Variants in ABL1 observed in about 807,000 individuals in gnomAD.
ABL1 encodes the protein tyrosine-protein kinase ABL1.
ABL1 carries 11 observed loss-of-function variants against 94.7 expected under a neutral mutation model. The ratio of observed to expected loss-of-function variants is 0.12; its 90% CI spans 0.07 to 0.19. The LOEUF (loss-of-function observed/expected upper bound fraction) is 0.19, where lower values mean the gene tolerates loss of function less well. Ranked by LOEUF, ABL1 falls within the 10% of genes least tolerant of loss-of-function variation. The pLI is 1.00. For synonymous variants in ABL1, 656 were observed against 622.4 expected (o/e 1.05, Z -0.80); for missense variants, 1,082 against 1,489.4 (o/e 0.73, Z 4.50).
rs117980230 is a variant in ABL1, at chr9:130,867,372, G to A, written c.822+4337G>A. Among the ~76,000 whole-genome samples the A allele has an allele frequency of 1.3e-3, 204 of 152,310 alleles. 1 individual carries two copies. Among genetic ancestry groups the A allele is most frequent in the Non-Finnish European group, 1.9e-3 (131 of 68,028 alleles). On this transcript the variant is annotated intron_variant, in intron 4 of 10. Coordinates refer to ENST00000318560, the MANE Select transcript of ABL1 (RefSeq NM_005157.6). ...TGGATATATTTTAACATGTACCAGT[G>A]TTCAGTGGGCCTTTCTCTTATTTCC...
chr9:130,873,523 T>C (rs979579071), intron 6 of ABL1, among the ~76,000 whole-genome samples: 5 of 152,224 alleles, frequency 3.3e-5, no homozygotes, highest in African/African-American at 1.2e-4. Flanking sequence ...TTTTTCCTGC[T>C]TTCTCTTTAT....
intron 4 of ABL1, among the ~76,000 whole-genome samples, chr9:130,871,616 A>G (rs1008234425): frequency 2.6e-5 from 4 of 152,234 alleles, no homozygotes; most frequent in Non-Finnish European, 5.9e-5. Flanking sequence ...TTGCTACTGT[A>G]CTTTGAGACA....
intron 1 of ABL1, among the ~76,000 whole-genome samples, chr9:130,843,556 T>C (rs907720029): frequency 1.3e-5 from 2 of 152,058 alleles, no homozygotes; most frequent in African/African-American, 4.8e-5. Flanking sequence ...TGGGGACATG[T>C]GAACAGATTG....
chr9:130,741,393 C>T (rs1273321578), intron 1 of ABL1, among the ~76,000 whole-genome samples: 1 of 150,932 alleles, frequency 6.6e-6, no homozygotes, highest in African/African-American at 2.5e-5. Flanking sequence ...GTAACAGTTA[C>T]CACACTGATA....
chr9:130,850,670 C>A lies in ABL1; in HGVS notation c.80-3394C>A, dbSNP rs538919781. 3.9e-5 allele frequency among the ~76,000 whole-genome samples: 6 copies of A among 152,260 alleles called. No individual in the cohort carries two copies. In the South Asian group the frequency reaches 8.3e-4, roughly 21 times the overall value. On this transcript the variant is annotated intron_variant, in intron 1 of 10. Coordinates refer to ENST00000318560, the MANE Select transcript of ABL1 (RefSeq NM_005157.6). ...TACAGGTGTGCACCACCACGCCCAA[C>A]TAATTTTTATATTTTTAGTAGAGAC...
At chr9:130,758,251 C>G (rs1236342565) in intron 1 of ABL1, among the ~76,000 whole-genome samples, 2 of 152,072 alleles carry the variant, frequency 1.3e-5, no homozygotes, top group Non-Finnish European at 2.9e-5. Flanking sequence ...ACCTCCACCT[C>G]CTGGGTTCAA....
rs1005204083 is a variant in ABL1 at position 130,863,651 on chromosome 9, G to A, written c.822+616G>A. On this transcript the variant is annotated intron_variant, in intron 4 of 10. Coordinates refer to ENST00000318560, the MANE Select transcript of ABL1 (RefSeq NM_005157.6). The surrounding 1 kb of genome is among the most constrained non-coding windows in gnomAD (Gnocchi z 4.3). ...ACTTTACCCTCTCCACTAATGAATA[G>A]TGTTTGTAGTTTCCAGGCAGGTTTT... 6.6e-6 allele frequency among the ~76,000 whole-genome samples: 1 copy of A among 152,202 alleles called. No homozygotes were observed. Among genetic ancestry groups the A allele is most frequent in the Non-Finnish European group, 1.5e-5 (1 of 68,042 alleles).
intron 1 of ABL1, among the ~76,000 whole-genome samples, chr9:130,761,884 T>TGTAA (rs1295314237): frequency 6.6e-6 from 1 of 152,232 alleles, no homozygotes; most frequent in East Asian, 1.9e-4. Context: ...GGCTCACACC[T>TGTAA]GTAATCCCAG....
chr9:130,822,375 T>C (rs1437412955), intron 1 of ABL1, among the ~76,000 whole-genome samples: 1 of 151,934 alleles, frequency 6.6e-6, no homozygotes, highest in African/African-American at 2.4e-5. Flanking sequence ...AATGTGTGAG[T>C]GTTCCAGTTT....
rs542674550 is a variant in ABL1, at chr9:130,820,126, T to G, written c.137-33938T>G. 2.0e-5 allele frequency among the ~76,000 whole-genome samples: 3 copies of G among 152,316 alleles called. No individual in the cohort carries two copies. The South Asian group carries it at 6.2e-4, about 32-fold the overall frequency. On this transcript the variant is annotated intron_variant, in intron 1 of 10. Transcript: ENST00000372348. ...TTGATTGCTTCTCTTTCTCAGCACT[T>G]TGGAAACATGTTTACTACCTAGACA...
intron 1 of ABL1, among the ~76,000 whole-genome samples, chr9:130,715,324 T>C (rs548136608): frequency 6.6e-6 from 1 of 152,336 alleles, no homozygotes; most frequent in East Asian, 1.9e-4. Context: ...GTCCTTTATA[T>C]TAAAAAATCA....
chr9:130,836,686 G>T (rs1830590607), intron 1 of ABL1, among the ~76,000 whole-genome samples: 2 of 152,136 alleles, frequency 1.3e-5, no homozygotes, highest in Admixed American at 6.5e-5. Flanking sequence ...TTAGCCGGGC[G>T]TGGTGGTACA....
chr9:130,849,347 G>A (rs1014579035), intron 1 of ABL1, among the ~76,000 whole-genome samples: 25 of 152,014 alleles, frequency 1.6e-4, no homozygotes, highest in African/African-American at 5.6e-4. Context: ...TCATATTCCA[G>A]TTGCCCTCAA....
chr9:130,848,651 G>C (rs1372653028), intron 1 of ABL1, among the ~76,000 whole-genome samples: 1 of 151,370 alleles, frequency 6.6e-6, no homozygotes, highest in Non-Finnish European at 1.5e-5. Flanking sequence ...TAAAGAAAAT[G>C]TAAGGCCAGA....
Position 130,775,782 on chromosome 9 carries a change from T to G in ABL1, c.136+61327T>G, listed in dbSNP as rs140203620. The stretch of plus-strand genomic sequence containing the variant: ...AAGTCTTCTCCAAATATAAGGCCAA[T>G]AGAACACCAAAGACAAAAATAAGAT... On this transcript the variant is annotated intron_variant, in intron 1 of 10. Coordinates refer to the ABL1 transcript ENST00000372348. 7.0e-3 allele frequency among the ~76,000 whole-genome samples: 1,050 copies of G among 150,544 alleles called. 13 individuals are homozygous for G. The highest frequency in any genetic ancestry group is 0.025 in the African/African-American group (1,012 of 41,074).
chr9:130,720,617 G>C (rs998962277), intron 1 of ABL1, among the ~76,000 whole-genome samples: 8 of 152,174 alleles, frequency 5.3e-5, no homozygotes, highest in African/African-American at 1.9e-4. Context: ...TATGATGTGG[G>C]AAGGCCTTGG....
intron 7 of ABL1, among the ~76,000 whole-genome samples, chr9:130,876,796 GCA>G (rs1831352640): frequency 7.2e-6 from 1 of 138,152 alleles, no homozygotes; most frequent in Non-Finnish European, 1.5e-5. Flanking sequence ...GAGTGCAGTG[GCA>G]TGATCTCAGC....
chr9:130,884,640 C>T lies in ABL1; in HGVS notation c.2350C>T (p.Pro784Ser). The change falls in exon 11 of 11, where the codon CCC becomes TCC. Residue 784 changes from proline (P) to serine (S), a missense_variant. This residue lies in a region of ABL1 where 780 missense variants were observed against 835.8 expected (regional missense o/e 0.93). Transcript: ENST00000318560. This position sits in a 1 kb window ranked among gnomAD's most constrained non-coding sequence, Gnocchi z 5.6. ...QVTRGTVTPP[P>S]RLVKKNEEAA... ...GACCCGAGGCACAGTAACGCCTCCCCCCAGGCTGGTGAAAAAGAATGAGGA... is the reference window on the plus strand; with the variant it reads ...GACCCGAGGCACAGTAACGCCTCCCTCCAGGCTGGTGAAAAAGAATGAGGA... The T allele has an allele frequency of 2.5e-6, 4 of 1,613,294 alleles. No homozygotes were observed. The highest frequency in any genetic ancestry group is 1.6e-4 in the Middle Eastern group (1 of 6,062).
intron 1 of ABL1, among the ~76,000 whole-genome samples, chr9:130,792,563 A>C (rs1459859166): frequency 2.6e-5 from 4 of 152,074 alleles, no homozygotes; most frequent in Admixed American, 2.6e-4. Context: ...CCTGAATGGC[A>C]CAAGGAGAAG....
Sources: allele counts gnomAD v4.1 joint callset (sites outside exome capture counted in the v4.1 genomes callset), GRCh38; gene constraint gnomAD v4.1.1; regional missense constraint gnomAD v4.1.1; non-coding constraint Gnocchi (gnomAD v3.1); transcripts MANE v1.5; gene names NCBI Gene and HGNC (gene_info 2026-07-23, HGNC 2026-07-21).